The following GRM8 variants were observed in gnomAD, a reference collection of about 807,000 sequenced individuals.
The protein encoded by GRM8 is metabotropic glutamate receptor 8.
GRM8 carries 47 observed loss-of-function variants against 87.2 expected under a neutral mutation model. The observed-to-expected ratio is 0.54, with a 90% confidence interval of 0.43 to 0.69. The LOEUF is 0.69. Among genes scored for constraint, GRM8 ranks in the 30% least tolerant of loss-of-function variants. The pLI is 0.00. For synonymous variants in GRM8, 396 were observed against 404.5 expected, an observed-to-expected ratio of 0.98 and a Z score of 0.25; for missense variants, 1,019 against 1,139.2, an observed-to-expected ratio of 0.89 and a Z score of 1.52.
rs554516804 is a variant in GRM8, at chr7:127,002,693, T to C, written c.728-98010A>G. Among the ~76,000 whole-genome samples the C allele has an allele frequency of 2.0e-5, 3 of 151,802 alleles. No homozygotes were observed. The South Asian group carries it at 6.2e-4, about 32-fold the overall frequency. ...GTCCACTAATACTCAGTCTTCCACC[T>C]CCAAGGTAGTCCTTTAAGAATTTGT... On this transcript the variant is annotated intron_variant, in intron 3 of 10. Transcript: ENST00000339582.
intron 3 of GRM8, among the ~76,000 whole-genome samples, chr7:126,930,536 A>C (rs1175353402): frequency 2.0e-5 from 3 of 152,216 alleles, no homozygotes; most frequent in Non-Finnish European, 4.4e-5. Context: ...GGTTCTAGAC[A>C]AGGGAAAGCA....
intron 2 of GRM8, among the ~76,000 whole-genome samples, chr7:127,225,431 G>A (rs75846534): frequency 0.03 from 4,571 of 151,556 alleles, 91 homozygotes; most frequent in Middle Eastern, 0.065. Flanking sequence ...CAGTACATTT[G>A]CACTCTGTTT....
intron 2 of GRM8, among the ~76,000 whole-genome samples, chr7:127,241,659 T>C (rs1187534043): frequency 6.6e-6 from 1 of 152,090 alleles, no homozygotes; most frequent in African/African-American, 2.4e-5. Context: ...ATGGTCTCAA[T>C]CTCCTGACCT....
intron 3 of GRM8, among the ~76,000 whole-genome samples, chr7:126,905,830 T>C (rs1444519845): frequency 1.3e-5 from 2 of 152,162 alleles, no homozygotes; most frequent in African/African-American, 4.8e-5. Context: ...TTGAGAGAAC[T>C]GAATTTTAAA....
intron 6 of GRM8, among the ~76,000 whole-genome samples, chr7:126,874,537 T>C (rs1338637460): frequency 6.6e-6 from 1 of 152,084 alleles, no homozygotes; most frequent in African/African-American, 2.4e-5. Context: ...TCAGATGCCA[T>C]ACTGACATTT....
At chr7:126,899,058 G>A (rs188898960) in intron 6 of GRM8, among the ~76,000 whole-genome samples, 2 of 149,612 alleles carry the variant, frequency 1.3e-5, no homozygotes, top group South Asian at 4.3e-4. Flanking sequence ...TGGAGAAACT[G>A]GTTATTCTGA....
intron 9 of GRM8, among the ~76,000 whole-genome samples, chr7:126,482,311 A>G (rs186807015): frequency 1.3e-5 from 2 of 152,182 alleles, no homozygotes; most frequent in Non-Finnish European, 2.9e-5. Context: ...TATATGCCAC[A>G]AAGTATTGAA....
rs190533041 is a variant in GRM8, at chr7:127,075,520, C to T, written c.727+30976G>A. On this transcript the variant is annotated intron_variant, in intron 3 of 10. Coordinates refer to ENST00000339582, the MANE Select transcript of GRM8 (RefSeq NM_000845.3). ...GCGAAGTATATGTGGGGCAGGGGGT[C>T]GGGGGGAGGTACATCTAACAACAGA... Among the ~76,000 whole-genome samples the T allele has an allele frequency of 4.6e-5, 7 of 151,680 alleles. No homozygotes were observed. In the East Asian group the frequency reaches 5.8e-4, roughly 13 times the overall value.
At chr7:126,997,239 T>C (rs1331326104) in intron 3 of GRM8, among the ~76,000 whole-genome samples, 1 of 150,954 alleles carries the variant, frequency 6.6e-6, no homozygotes, top group East Asian at 1.9e-4. Context: ...GAAAAATTTC[T>C]TGAAATAAAT....
chr7:127,188,453 C>A (rs2116465090), intron 2 of GRM8, among the ~76,000 whole-genome samples: 2 of 152,294 alleles, frequency 1.3e-5, no homozygotes, highest in South Asian at 4.2e-4. Context: ...CATGCCCCAT[C>A]TGGAGCACTC....
Position 126,844,068 on chromosome 7 carries a change from CAGAT to C in GRM8, c.1156+58470_1156+58473del, listed in dbSNP as rs1160020804. Among the ~76,000 whole-genome samples the C allele has an allele frequency of 5.3e-5, 8 of 152,208 alleles. No individual in the cohort carries two copies. The South Asian group carries it at 1.4e-3, about 28-fold the overall frequency. ...CTGATTAACAATAGCCAAGCAGACTCAGATAGTAGCTTTCAGATAAGAACTTCTG... is the reference window on the plus strand; with the variant it reads ...CTGATTAACAATAGCCAAGCAGACTCAGTAGCTTTCAGATAAGAACTTCTG... On this transcript the variant is annotated intron_variant, in intron 6 of 10. Coordinates refer to ENST00000339582, the MANE Select transcript of GRM8 (RefSeq NM_000845.3).
chr7:127,231,640 T>C (rs1221984808), intron 2 of GRM8, among the ~76,000 whole-genome samples: 1 of 152,100 alleles, frequency 6.6e-6, no homozygotes, highest in Non-Finnish European at 1.5e-5. Context: ...ATGTCAGCCA[T>C]CTCTGGCAGA....
intron 3 of GRM8, among the ~76,000 whole-genome samples, chr7:126,991,823 T>C (rs1339178830): frequency 6.6e-6 from 1 of 152,160 alleles, no homozygotes; most frequent in Non-Finnish European, 1.5e-5. Flanking sequence ...GTACTAAAAT[T>C]TCAGTAGGAA....
chr7:127,098,998 C>T (rs1824959766), intron 3 of GRM8, among the ~76,000 whole-genome samples: 1 of 152,062 alleles, frequency 6.6e-6, no homozygotes, highest in Admixed American at 6.6e-5. Flanking sequence ...GCTTCCTTGC[C>T]CCTTATAATG....
intron 1 of GRM8, chr7:127,251,192 C>T (rs1478256131): frequency 6.6e-6 from 1 of 152,206 alleles, no homozygotes; most frequent in Non-Finnish European, 1.5e-5. Flanking sequence ...CGCAGACACT[C>T]TCTGACACCA....
chr7:126,936,198 G>C (rs1371000660), intron 3 of GRM8, among the ~76,000 whole-genome samples: 2 of 152,088 alleles, frequency 1.3e-5, no homozygotes, highest in Non-Finnish European at 2.9e-5. Context: ...ATCGATATTT[G>C]AACTTAAAAC....
intron 3 of GRM8, among the ~76,000 whole-genome samples, chr7:127,074,470 G>C (rs923594585): frequency 6.6e-6 from 1 of 152,174 alleles, no homozygotes; most frequent in East Asian, 1.9e-4. Context: ...GAGCTTCTGA[G>C]ATGTCCCCAC....
chr7:127,228,757 C>T (rs1797500845), intron 2 of GRM8: 1 of 152,012 alleles, frequency 6.6e-6, no homozygotes, highest in Non-Finnish European at 1.5e-5. Flanking sequence ...TATTTGAAAA[C>T]CATGGAACTC....
At chr7:126,581,712 A>G (rs1795626291) in intron 8 of GRM8, among the ~76,000 whole-genome samples, 1 of 152,074 alleles carries the variant, frequency 6.6e-6, no homozygotes, top group Non-Finnish European at 1.5e-5. Context: ...TTCAAACAGC[A>G]TGTACCCACT....
Sources: allele counts gnomAD v4.1 joint callset (sites outside exome capture counted in the v4.1 genomes callset), GRCh38; gene constraint gnomAD v4.1.1; transcripts MANE v1.5; gene names NCBI Gene and HGNC (gene_info 2026-07-23, HGNC 2026-07-21).